Variants in IQCH observed in about 807,000 individuals in gnomAD.
IQCH encodes the protein IQ domain-containing protein H.
A neutral mutation model predicts 117.0 loss-of-function variants in IQCH; 98 were observed. That is an observed-to-expected ratio of 0.84 (90% confidence interval 0.71 to 0.99). The LOEUF (loss-of-function observed/expected upper bound fraction) is 0.99, where lower values mean the gene tolerates loss of function less well. Among genes scored for constraint, IQCH ranks in the 50% least tolerant of loss-of-function variants. IQCH has a pLI of 0.00. For missense variants in IQCH, 1,102 were observed against 1,243.8 expected (o/e 0.89, Z 1.72); for synonymous variants, 412 against 448.2 (o/e 0.92, Z 1.02).
intron 14 of IQCH, among the ~76,000 whole-genome samples, chr15:67,402,477 A>G (rs1350202265): frequency 6.6e-6 from 1 of 152,220 alleles, no homozygotes; most frequent in Non-Finnish European, 1.5e-5. Flanking sequence ...CCTTTGTTCC[A>G]GAAGACCATC....
At chr15:67,345,337 T>C (rs1969341125) in intron 6 of IQCH, among the ~76,000 whole-genome samples, 1 of 152,142 alleles carries the variant, frequency 6.6e-6, no homozygotes, top group African/African-American at 2.4e-5. Flanking sequence ...ATGAAGCTTA[T>C]TTATCCACCC....
chr15:67,372,196 C>G lies in IQCH; in HGVS notation c.839C>G (p.Thr280Arg), dbSNP rs1970558508. The stretch of plus-strand genomic sequence containing the variant: ...ATTTATGATGGTGTCATAGACAATA[C>G]AGCCCCAGACTTCTTAGCATTCAAG... ...FLIYDGVIDNTAPDFLAFKEH... is the reference protein window; with the variant it reads ...FLIYDGVIDNRAPDFLAFKEH... The change falls in exon 9 of 21, where the codon ACA (threonine) becomes AGA (arginine). Residue 280 changes from threonine (T) to arginine (R), a missense_variant. Thr to Arg is a moderately conservative substitution (Grantham distance 71). This residue lies in a region of IQCH where 452 missense variants were observed against 449.6 expected (regional missense o/e 1.01). Coordinates refer to ENST00000335894, the MANE Select transcript of IQCH (RefSeq NM_001031715.3). 1.2e-6 allele frequency: 2 copies of G among 1,614,002 alleles called. No individual in the cohort carries two copies. The highest frequency in any genetic ancestry group is 2.2e-5 in the East Asian group (1 of 44,882).
intron 6 of IQCH, among the ~76,000 whole-genome samples, chr15:67,346,111 C>T (rs8037981): frequency 0.46 from 70,424 of 151,836 alleles, 16,736 homozygotes; most frequent in Non-Finnish European, 0.52. Context: ...GCTGGAATGG[C>T]TCTATTACTA....
At chr15:67,279,257 G>T (rs1229646379) in intron 3 of IQCH, 138 bp from the exon 4 acceptor site, 2 of 575,404 alleles carry the variant, frequency 3.5e-6, no homozygotes, top group African/African-American at 1.9e-5. Context: ...AATAAAGATT[G>T]GTTTAATTTA....
rs36050088 is a variant in IQCH at position 67,474,067 on chromosome 15, A to AGT, written c.2677-1593_2677-1592dup. On this transcript the variant is annotated intron_variant, in intron 17 of 20. Transcript: ENST00000335894. The surrounding 1 kb of genome is among the most constrained non-coding windows in gnomAD (Gnocchi z 4.1). ...GTCACCAAAAGTGCCACGAAATCTG[A>AGT]GTGTGTGTGTGTGTGTGTGTGTGTG... Among the ~76,000 whole-genome samples the AGT allele has an allele frequency of 0.22, 30,850 of 138,102 alleles. 3,257 individuals carry two copies. Among genetic ancestry groups the AGT allele is most frequent in the African/African-American group, 0.23 (8,662 of 37,014 alleles). 90.6% of individuals were successfully genotyped at this position (138,102 alleles called of 152,430 possible).
intron 10 of IQCH, 24 bp downstream of exon 10, chr15:67,373,457 C>CT: frequency 6.8e-7 from 1 of 1,463,304 alleles, no homozygotes; most frequent in Non-Finnish European, 9.6e-7. Context: ...GCCTGCAAAT[C>CT]TATCAGCAAC....
chr15:67,324,619 A>AG (rs1397514930), intron 4 of IQCH, among the ~76,000 whole-genome samples: 1 of 151,614 alleles, frequency 6.6e-6, no homozygotes, highest in Non-Finnish European at 1.5e-5. Flanking sequence ...TAAAAAAAAA[A>AG]AAAAAAAAAG....
At chr15:67,455,557 C>T (rs1286367653) in intron 16 of IQCH, among the ~76,000 whole-genome samples, 1 of 152,230 alleles carries the variant, frequency 6.6e-6, no homozygotes, top group Non-Finnish European at 1.5e-5. Context: ...CTGCAGCCAA[C>T]TCACTGCACT....
chr15:67,462,999 C>T (rs1009334578), intron 16 of IQCH, among the ~76,000 whole-genome samples: 2 of 152,154 alleles, frequency 1.3e-5, no homozygotes, highest in African/African-American at 4.8e-5. Flanking sequence ...CATTACTGTG[C>T]GAATATGACT....
In IQCH at chr15:67,433,197, C is replaced by T. The variant is rs2030512746; in HGVS notation, c.2505+11620C>T. 6.6e-6 allele frequency among the ~76,000 whole-genome samples: 1 copy of T among 152,144 alleles called. No individual in the cohort carries two copies. Among genetic ancestry groups the T allele is most frequent in the South Asian group, 2.1e-4 (1 of 4,816 alleles). On this transcript the variant is annotated intron_variant, in intron 16 of 20. Transcript: ENST00000335894. This position sits in a 1 kb window ranked among gnomAD's most constrained non-coding sequence, Gnocchi z 5.4. ...AAAAGACCTTCTCCCTTTAAAAGGG[C>T]TGTATCTTTGTGTCAATGAAAGAGA...
intron 5 of IQCH, among the ~76,000 whole-genome samples, chr15:67,337,855 T>G (rs1457146139): frequency 1.3e-5 from 2 of 152,154 alleles, no homozygotes; most frequent in Non-Finnish European, 2.9e-5. Context: ...TTGTCTGGAA[T>G]TTTTAGGACC....
At chr15:67,305,239 A>C (rs1259190164) in intron 4 of IQCH, among the ~76,000 whole-genome samples, 1 of 152,094 alleles carries the variant, frequency 6.6e-6, no homozygotes, top group Non-Finnish European at 1.5e-5. Flanking sequence ...AAACAAGATT[A>C]ATGTTAGGAT....
intron 16 of IQCH, among the ~76,000 whole-genome samples, chr15:67,451,318 G>T: frequency 6.6e-6 from 1 of 151,478 alleles, no homozygotes; most frequent in Non-Finnish European, 1.5e-5. Flanking sequence ...GTGATGTTAG[G>T]GTGTCAATTT....
At chr15:67,329,490 T>C (rs927239865) in intron 4 of IQCH, among the ~76,000 whole-genome samples, 1 of 152,102 alleles carries the variant, frequency 6.6e-6, no homozygotes, top group Admixed American at 6.6e-5. Flanking sequence ...TATCATGATA[T>C]AGAAACCAGG....
At chr15:67,335,439 G>A (rs1027630725) in intron 4 of IQCH, among the ~76,000 whole-genome samples, 7 of 152,092 alleles carry the variant, frequency 4.6e-5, no homozygotes, top group African/African-American at 9.7e-5. Context: ...CTCTTCCTCC[G>A]ATTTACCTTT....
At chr15:67,257,561 T>C (rs1965275590) in intron 1 of IQCH, among the ~76,000 whole-genome samples, 1 of 152,222 alleles carries the variant, frequency 6.6e-6, no homozygotes, top group African/African-American at 2.4e-5. Context: ...CCAGTATGTA[T>C]TGATCCTTAA....
In IQCH at chr15:67,494,109, C is replaced by T; in HGVS notation, c.2862-149C>T. ...TTGACAAGTTAAAATGGAGTCTCAT[C>T]TTTCATATCTCCCTGAAGATTGCCA... is the stretch of plus-strand genomic sequence containing the variant. On this transcript the variant is annotated intron_variant, in intron 19 of 20. Transcript: ENST00000335894. This position sits in a 1 kb window ranked among gnomAD's most constrained non-coding sequence, Gnocchi z 5.5. The T allele has an allele frequency of 1.9e-6, 1 of 537,124 alleles. No homozygotes were observed. Among genetic ancestry groups the T allele is most frequent in the South Asian group, 3.0e-5 (1 of 33,016 alleles). 33.3% of individuals were successfully genotyped at this position (537,124 alleles called of 1,614,324 possible).
chr15:67,300,905 A>T (rs751525477), intron 4 of IQCH, among the ~76,000 whole-genome samples: 1 of 152,216 alleles, frequency 6.6e-6, no homozygotes, highest in Non-Finnish European at 1.5e-5. Flanking sequence ...CCACAGAATC[A>T]CTGATGAGAT....
chr15:67,350,844 A>T (rs1231442541), intron 6 of IQCH, among the ~76,000 whole-genome samples: 1 of 152,190 alleles, frequency 6.6e-6, no homozygotes, highest in Non-Finnish European at 1.5e-5. Flanking sequence ...GTAACTCAGT[A>T]AGTCTGACTT....
Sources: allele counts gnomAD v4.1 joint callset (sites outside exome capture counted in the v4.1 genomes callset), GRCh38; gene constraint gnomAD v4.1.1; regional missense constraint gnomAD v4.1.1; non-coding constraint Gnocchi (gnomAD v3.1); transcripts MANE v1.5; gene names NCBI Gene and HGNC (gene_info 2026-07-23, HGNC 2026-07-21).